The following ZBTB20 variants were observed in gnomAD, a reference collection of about 807,000 sequenced individuals.
ZBTB20 encodes the protein zinc finger and BTB domain containing 20.
In ZBTB20, 9 loss-of-function variants were observed where a neutral mutation model predicts 56.9. The observed-to-expected ratio is 0.16, with a 90% CI of 0.10 to 0.28. The LOEUF (loss-of-function observed/expected upper bound fraction) is 0.28. Ranked by LOEUF, ZBTB20 falls within the 10% of genes least tolerant of loss-of-function variation. The pLI is 1.00. For synonymous variants in ZBTB20, 417 were observed against 420.7 expected, an observed-to-expected ratio of 0.99 and a Z score of 0.11; for missense variants, 655 against 1,003.0, an observed-to-expected ratio of 0.65 and a Z score of 4.69.
At position 115,097,448 on chromosome 3, in the gene ZBTB20, C is replaced by G. The variant is rs182698714; in HGVS notation, c.-702-26034G>C. ...CTGCCCGCCTCGGCCTCCCAAAGTG[C>G]CCTATTTTTTTTAAAAAAAATCTAC... On this transcript the variant is annotated intron_variant, in intron 1 of 11. Coordinates refer to ENST00000675478, the MANE Select transcript of ZBTB20 (RefSeq NM_001348800.3). 3.5e-3 allele frequency among the ~76,000 whole-genome samples: 539 copies of G among 152,112 alleles called. 2 individuals carry two copies. Among genetic ancestry groups the G allele is most frequent in the South Asian group, 0.013 (62 of 4,826 alleles).
At chr3:114,931,419 C>G (rs943474716) in intron 3 of ZBTB20, 2 of 218,764 alleles carry the variant, frequency 9.1e-6, no homozygotes, top group African/African-American at 4.7e-5. Flanking sequence ...GTCCACCAGT[C>G]AAGAATTCTG....
chr3:114,960,446 C>G (rs1266746844), intron 3 of ZBTB20, among the ~76,000 whole-genome samples: 1 of 152,174 alleles, frequency 6.6e-6, no homozygotes, highest in Non-Finnish European at 1.5e-5. Context: ...TCCCTACGTA[C>G]TACAGATTAA....
intron 6 of ZBTB20, among the ~76,000 whole-genome samples, chr3:114,663,432 T>C (rs1340297355): frequency 1.4e-5 from 2 of 144,984 alleles, no homozygotes; most frequent in African/African-American, 5.1e-5. Flanking sequence ...CGCTGCAAAA[T>C]CATGCCAAAA....
intron 6 of ZBTB20, chr3:114,624,838 G>A (rs2058560743): frequency 6.5e-6 from 1 of 152,924 alleles, no homozygotes; most frequent in East Asian, 1.9e-4. Context: ...ACTACTGCTT[G>A]TTGAGGACTT....
chr3:114,747,261 T>C (rs1002731279), intron 5 of ZBTB20, among the ~76,000 whole-genome samples: 1 of 152,138 alleles, frequency 6.6e-6, no homozygotes, highest in Non-Finnish European at 1.5e-5. Context: ...AGGGTGGAAA[T>C]AGCCAAATGT....
At chr3:114,396,239 C>T (rs2086328423) in intron 7 of ZBTB20, among the ~76,000 whole-genome samples, 1 of 152,130 alleles carries the variant, frequency 6.6e-6, no homozygotes, top group African/African-American at 2.4e-5. Flanking sequence ...TACCTTACCT[C>T]TTACAGTGAG....
At chr3:114,811,483 T>C (rs1464503687) in intron 4 of ZBTB20, among the ~76,000 whole-genome samples, 3 of 152,196 alleles carry the variant, frequency 2.0e-5, no homozygotes, top group Non-Finnish European at 4.4e-5. Context: ...ACATATAGTA[T>C]CTGCTTCTAG....
intron 1 of ZBTB20, among the ~76,000 whole-genome samples, chr3:115,073,882 T>C (rs1364971830): frequency 1.3e-5 from 2 of 152,030 alleles, no homozygotes; most frequent in African/African-American, 4.8e-5. Flanking sequence ...TTATGAAACT[T>C]TGCTCCCAAA....
intron 5 of ZBTB20, among the ~76,000 whole-genome samples, chr3:114,764,541 AT>A (rs2068653754): frequency 1.3e-5 from 2 of 152,146 alleles, no homozygotes; most frequent in Admixed American, 6.6e-5. Flanking sequence ...ACAACATTTG[AT>A]TTCAACTCAA....
At chr3:114,387,624 C>G (rs895355864) in intron 8 of ZBTB20, 1 of 152,166 alleles carries the variant, frequency 6.6e-6, no homozygotes, top group African/African-American at 2.4e-5. Flanking sequence ...GATATAGAAA[C>G]TTTTAAACCC....
intron 7 of ZBTB20, among the ~76,000 whole-genome samples, chr3:114,429,738 A>G (rs1054614859): frequency 1.3e-5 from 2 of 152,228 alleles, no homozygotes; most frequent in Non-Finnish European, 2.9e-5. Flanking sequence ...TGATACCACA[A>G]TGAAAAATAA....
At chr3:114,736,278 T>C (rs2066150788) in intron 5 of ZBTB20, among the ~76,000 whole-genome samples, 1 of 152,198 alleles carries the variant, frequency 6.6e-6, no homozygotes, top group Admixed American at 6.5e-5. Flanking sequence ...GCTTAGCATG[T>C]TGCCTGGCAC....
At position 114,834,915 on chromosome 3, in the gene ZBTB20, C is replaced by T. The variant is rs531832069; in HGVS notation, c.-416-33741G>A. ...ATCTAATAAACTCTCCCAAAGAAAACAGTTTCATTATATTTTCACCGTATT... is the reference window on the plus strand; with the variant it reads ...ATCTAATAAACTCTCCCAAAGAAAATAGTTTCATTATATTTTCACCGTATT... On this transcript the variant is annotated intron_variant, in intron 4 of 11. Transcript: ENST00000675478. Among the ~76,000 whole-genome samples the T allele has an allele frequency of 7.0e-4, 107 of 152,108 alleles. 1 individual carries two copies. The highest frequency in any genetic ancestry group is 2.5e-3 in the African/African-American group (102 of 41,516).
intron 2 of ZBTB20, among the ~76,000 whole-genome samples, chr3:115,055,154 C>T (rs1390248360): frequency 3.3e-5 from 5 of 150,946 alleles, no homozygotes; most frequent in Non-Finnish European, 1.5e-5. Flanking sequence ...CTTTTGCTCC[C>T]TCCAACTTAC....
At chr3:114,522,890 G>A (rs1000439716) in intron 6 of ZBTB20, among the ~76,000 whole-genome samples, 5 of 152,198 alleles carry the variant, frequency 3.3e-5, no homozygotes, top group South Asian at 2.1e-4. Context: ...TTAGACAGAC[G>A]TGGAGATGTT....
At chr3:115,114,541 T>A (rs1279443305) in intron 1 of ZBTB20, among the ~76,000 whole-genome samples, 1 of 152,142 alleles carries the variant, frequency 6.6e-6, no homozygotes, top group African/African-American at 2.4e-5. Context: ...CAAAAGGATT[T>A]TAAAATCAAT....
intron 5 of ZBTB20, among the ~76,000 whole-genome samples, chr3:114,693,878 T>C (rs1284159521): frequency 6.6e-6 from 1 of 152,166 alleles, no homozygotes; most frequent in African/African-American, 2.4e-5. Context: ...TTATGTTTTA[T>C]GGTTAATTAT....
At position 114,333,516 on chromosome 3, in the gene ZBTB20, G is replaced by C. The variant is rs1421193858; in HGVS notation, c.*5489C>G. On this transcript the variant is annotated 3_prime_UTR_variant, in exon 12 of 12. Transcript: ENST00000675478. ...CCCAGAAGGCCTGGTGGCTGGGTCA[G>C]CTCAAGCACTCTCTTCATGCACTGC... 1 of 152,264 alleles carries C rather than the reference G, an allele frequency of 6.6e-6. No individual in the cohort carries two copies. Among genetic ancestry groups the C allele is most frequent in the Non-Finnish European group, 1.5e-5 (1 of 68,066 alleles). The allele number at this position is 152,264 out of a possible 1,614,324, so 9.4% of individuals were successfully genotyped here.
intron 6 of ZBTB20, among the ~76,000 whole-genome samples, chr3:114,559,256 T>C (rs767983738): frequency 3.3e-5 from 5 of 152,192 alleles, no homozygotes; most frequent in Admixed American, 6.5e-5. Flanking sequence ...ACAGTAGTTA[T>C]TTAAATGTAC....
Sources: allele counts gnomAD v4.1 joint callset (sites outside exome capture counted in the v4.1 genomes callset), GRCh38; gene constraint gnomAD v4.1.1; transcripts MANE v1.5; gene names NCBI Gene and HGNC (gene_info 2026-07-23, HGNC 2026-07-21).